The following MTMR2 variants were observed in gnomAD, a reference collection of about 807,000 sequenced individuals.
MTMR2 encodes phosphatidylinositol-3,5-bisphosphate 3-phosphatase MTMR2.
A neutral mutation model predicts 86.9 loss-of-function variants in MTMR2; 55 were observed. The ratio of observed to expected loss-of-function variants is 0.63; its 90% CI spans 0.51 to 0.79. The LOEUF is 0.79. Ranked by LOEUF, MTMR2 falls within the 30% of genes least tolerant of loss-of-function variation. The pLI is 0.00. For missense variants in MTMR2, 659 were observed against 772.3 expected (o/e 0.85, Z 1.74); for synonymous variants, 241 against 266.8 (o/e 0.90, Z 0.94).
chr11:95,917,832 G>A (rs1324575860), intron 1 of MTMR2, among the ~76,000 whole-genome samples: 1 of 152,200 alleles, frequency 6.6e-6, no homozygotes, highest in Non-Finnish European at 1.5e-5. Flanking sequence ...AGGGGTGGCA[G>A]AAGCAGAAGA....
intron 2 of MTMR2, among the ~76,000 whole-genome samples, chr11:95,877,332 CTTT>C (rs764782930): frequency 2.8e-5 from 3 of 106,272 alleles, no homozygotes; most frequent in Admixed American, 1.1e-4. Context: ...CAGGGAAGCC[CTTT>C]TTTTTTTTTT....
intron 1 of MTMR2, among the ~76,000 whole-genome samples, chr11:95,906,807 T>A (rs1207998349): frequency 1.3e-5 from 2 of 152,066 alleles, no homozygotes; most frequent in East Asian, 3.9e-4. Flanking sequence ...AAGACAGAAA[T>A]CAAGAAATTA....
chr11:95,885,815 A>G (rs1347693345), intron 2 of MTMR2, among the ~76,000 whole-genome samples: 1 of 152,056 alleles, frequency 6.6e-6, no homozygotes, highest in African/African-American at 2.4e-5. Context: ...TTACAGTGAA[A>G]AAACCTAACA....
intron 1 of MTMR2, among the ~76,000 whole-genome samples, chr11:95,910,483 AAAC>A (rs1866458158): frequency 6.6e-6 from 1 of 152,082 alleles, no homozygotes; most frequent in South Asian, 2.1e-4. Context: ...TCTAAAGTGA[AAAC>A]AACCTGGAAA....
chr11:95,868,066 G>C (rs1361613643), intron 2 of MTMR2, among the ~76,000 whole-genome samples: 1 of 151,714 alleles, frequency 6.6e-6, no homozygotes, highest in East Asian at 1.9e-4. Flanking sequence ...AGGAATTCAA[G>C]ACCAGCCTGG....
At chr11:95,912,419 A>T (rs962849295) in intron 1 of MTMR2, among the ~76,000 whole-genome samples, 1 of 151,768 alleles carries the variant, frequency 6.6e-6, no homozygotes, top group Non-Finnish European at 1.5e-5. Context: ...AAATATAATA[A>T]TTTTTTAGAA....
chr11:95,861,850 T>G (rs1268406101), intron 5 of MTMR2, 142 bp downstream of exon 5: 1 of 705,434 alleles, frequency 1.4e-6, no homozygotes, highest in Non-Finnish European at 2.4e-6. Context: ...AAATTTTGTT[T>G]TCTTCTATCA....
intron 1 of MTMR2, among the ~76,000 whole-genome samples, chr11:95,907,410 T>C (rs930474811): frequency 6.6e-6 from 1 of 151,966 alleles, no homozygotes; most frequent in African/African-American, 2.4e-5. Context: ...ACCAGATGGA[T>C]TCACAGACAA....
At chr11:95,875,140 C>G (rs1320150011) in intron 2 of MTMR2, among the ~76,000 whole-genome samples, 1 of 152,156 alleles carries the variant, frequency 6.6e-6, no homozygotes, top group East Asian at 1.9e-4. Flanking sequence ...TGAATGTTGG[C>G]CTGCCTTGCT....
chr11:95,883,156 T>TA (rs1425527787), intron 2 of MTMR2, among the ~76,000 whole-genome samples: 7 of 152,086 alleles, frequency 4.6e-5, no homozygotes. Context: ...CTTTTATCTT[T>TA]CAATAACCAT....
chr11:95,903,742 T>C (rs183101451), intron 1 of MTMR2, among the ~76,000 whole-genome samples: 33 of 152,296 alleles, frequency 2.2e-4, no homozygotes, highest in African/African-American at 7.5e-4. Context: ...GCTCTCCAAC[T>C]ATAACCTGTG....
intron 7 of MTMR2, among the ~76,000 whole-genome samples, chr11:95,852,184 T>C (rs1864046242): frequency 1.3e-5 from 2 of 152,208 alleles, no homozygotes; most frequent in Admixed American, 1.3e-4. Flanking sequence ...CACACAGATA[T>C]ATTTTACTGT....
At chr11:95,923,046 A>G (rs1866987875) in intron 1 of MTMR2, among the ~76,000 whole-genome samples, 1 of 152,206 alleles carries the variant, frequency 6.6e-6, no homozygotes, top group Non-Finnish European at 1.5e-5. Flanking sequence ...TTTTTAAATC[A>G]TTATTTTAAA....
intron 1 of MTMR2, among the ~76,000 whole-genome samples, chr11:95,898,955 C>T (rs867015417): frequency 1.3e-5 from 2 of 152,066 alleles, no homozygotes; most frequent in Admixed American, 6.6e-5. Flanking sequence ...TGGCATACAG[C>T]GTACTTATAA....
At chr11:95,914,978 G>C (rs1866645902) in intron 1 of MTMR2, among the ~76,000 whole-genome samples, 1 of 152,188 alleles carries the variant, frequency 6.6e-6, no homozygotes, top group Non-Finnish European at 1.5e-5. Flanking sequence ...GCCCAGCATA[G>C]TAAGCATGCA....
intron 2 of MTMR2, among the ~76,000 whole-genome samples, chr11:95,877,757 G>C (rs920704801): frequency 2.0e-5 from 3 of 152,022 alleles, no homozygotes; most frequent in Admixed American, 6.6e-5. Context: ...ACAATCCAAG[G>C]AACATCAAAG....
intron 2 of MTMR2, among the ~76,000 whole-genome samples, chr11:95,873,850 G>A (rs1864990924): frequency 6.6e-6 from 1 of 151,904 alleles, no homozygotes; most frequent in Non-Finnish European, 1.5e-5. Context: ...ATTTTGTTAT[G>A]TACCCAATAG....
intron 4 of MTMR2, 60 bp from the exon 5 acceptor site, chr11:95,862,162 C>T: frequency 6.5e-7 from 1 of 1,543,514 alleles, no homozygotes; most frequent in Non-Finnish European, 8.9e-7. Context: ...AATTATAGAG[C>T]TGATCAAAAT....
intron 2 of MTMR2, among the ~76,000 whole-genome samples, chr11:95,878,894 GC>G (rs997623898): frequency 3.3e-5 from 5 of 152,184 alleles, no homozygotes; most frequent in Admixed American, 6.5e-5. Context: ...AGGAGAATGA[GC>G]CCAGTTTATG....
Sources: gnomAD v4.1 joint callset for allele counts (sites outside exome capture counted in the v4.1 genomes callset) on GRCh38, gnomAD v4.1.1 for gene constraint, MANE v1.5 for transcripts, NCBI Gene and HGNC (gene_info 2026-07-23, HGNC 2026-07-21) for gene names.